ESR1: variants seen among roughly 807,000 people sequenced by gnomAD.
ESR1 encodes estrogen receptor.
A neutral mutation model predicts 52.7 loss-of-function variants in ESR1; 12 were observed. The observed-to-expected ratio is 0.23, with a 90% confidence interval of 0.15 to 0.37. ESR1 has a LOEUF of 0.37. Ranked by LOEUF, ESR1 falls within the 10% of genes least tolerant of loss-of-function variation. ESR1 has a pLI of 1.00. For synonymous variants in ESR1, 305 were observed against 316.8 expected (o/e 0.96, Z 0.39); for missense variants, 584 against 779.7 (o/e 0.75, Z 2.99).
chr6:152,048,602 C>T (rs2046424967), intron 5 of ESR1, among the ~76,000 whole-genome samples: 1 of 152,086 alleles, frequency 6.6e-6, no homozygotes, highest in Non-Finnish European at 1.5e-5. Flanking sequence ...GTCTGTGTTG[C>T]TCATTGTTAA....
At chr6:151,991,708 C>T (rs1033892568) in intron 4 of ESR1, among the ~76,000 whole-genome samples, 3 of 152,078 alleles carry the variant, frequency 2.0e-5, no homozygotes, top group South Asian at 2.1e-4. Context: ...GGAAATGACA[C>T]GATGAGCAGA....
At position 152,068,717 on chromosome 6, in the gene ESR1, T is replaced by G. The variant is rs147618865; in HGVS notation, c.1369+7593T>G. ...AATCCATCTTTAATTCTCAGGAGCGTGTGGAACCTAGTTTGAAAACTACTG... is the reference window on the plus strand; with the variant it reads ...AATCCATCTTTAATTCTCAGGAGCGGGTGGAACCTAGTTTGAAAACTACTG... On this transcript the variant is annotated intron_variant, in intron 6 of 7. Transcript: ENST00000206249. Among the ~76,000 whole-genome samples, 5 of 152,346 alleles carry G rather than the reference T, an allele frequency of 3.3e-5. No homozygotes were observed. In the East Asian group the frequency reaches 9.6e-4, roughly 29 times the overall value.
At chr6:152,005,193 T>C (rs1469496655) in intron 4 of ESR1, among the ~76,000 whole-genome samples, 2 of 152,012 alleles carry the variant, frequency 1.3e-5, no homozygotes, top group African/African-American at 2.4e-5. Flanking sequence ...CTGGACATGC[T>C]AAACATCTTG....
At chr6:152,010,128 G>A (rs1040801431) in intron 4 of ESR1, among the ~76,000 whole-genome samples, 10 of 152,220 alleles carry the variant, frequency 6.6e-5, no homozygotes, top group Non-Finnish European at 1.5e-4. Context: ...TCTGAGGTCT[G>A]TCTCTAGCTT....
chr6:151,668,782 G>C lies in ESR1; in HGVS notation n.73+12019G>C, dbSNP rs570029518. Among the ~76,000 whole-genome samples the C allele has an allele frequency of 7.2e-5, 11 of 152,180 alleles. No individual in the cohort carries two copies. In the East Asian group the frequency reaches 1.9e-3, roughly 27 times the overall value. Reference sequence around the variant, plus strand: ...GTTTCCTATGGGTCCTCTCCATTTGGTTTTCCTGTTAAAGATTTAAAAGAG... The same window carrying C: ...GTTTCCTATGGGTCCTCTCCATTTGCTTTTCCTGTTAAAGATTTAAAAGAG... On this transcript the variant is annotated intron_variant and non_coding_transcript_variant, in intron 1 of 2. Coordinates refer to the ESR1 transcript ENST00000473497.
At chr6:151,949,844 A>C (rs1314933469) in intron 4 of ESR1, among the ~76,000 whole-genome samples, 1 of 152,120 alleles carries the variant, frequency 6.6e-6, no homozygotes, top group Non-Finnish European at 1.5e-5. Context: ...TCCCTTTCTC[A>C]TCTTGAGAGT....
chr6:151,984,508 C>G (rs1447378365), intron 4 of ESR1, among the ~76,000 whole-genome samples: 2 of 152,096 alleles, frequency 1.3e-5, no homozygotes, highest in Non-Finnish European at 2.9e-5. Context: ...AAATGCAGAA[C>G]TTTTTACACA....
intron 3 of ESR1, among the ~76,000 whole-genome samples, chr6:151,920,759 T>C (rs1198565979): frequency 2.0e-5 from 3 of 151,840 alleles, no homozygotes; most frequent in East Asian, 3.8e-4. Flanking sequence ...GTGATTGTCA[T>C]CACATCGTAT....
At chr6:151,984,119 A>C (rs1469375774) in intron 4 of ESR1, 2 of 152,106 alleles carry the variant, frequency 1.3e-5, no homozygotes, top group African/African-American at 4.8e-5. Flanking sequence ...TCCACAAGAT[A>C]ATTGTCTACT....
At chr6:151,716,115 G>C (rs1341981948) in intron 2 of ESR1, among the ~76,000 whole-genome samples, 1 of 152,168 alleles carries the variant, frequency 6.6e-6, no homozygotes, top group Non-Finnish European at 1.5e-5. Context: ...GTCTGCTGGA[G>C]TTTGCTGGAG....
At chr6:151,969,986 C>A (rs192841420) in intron 4 of ESR1, among the ~76,000 whole-genome samples, 1 of 151,808 alleles carries the variant, frequency 6.6e-6, no homozygotes, top group Non-Finnish European at 1.5e-5. Flanking sequence ...GTGATATTGC[C>A]GCTGTTCATT....
rs750647045 is a variant in ESR1, at chr6:151,727,099, T to C, written c.-71+25094T>C. Among the ~76,000 whole-genome samples, 3 of 152,222 alleles carry C rather than the reference T, an allele frequency of 2.0e-5. No individual in the cohort carries two copies. The East Asian group carries it at 5.8e-4, about 29-fold the overall frequency. On this transcript the variant is annotated intron_variant, in intron 2 of 2. Coordinates refer to the ESR1 transcript ENST00000404742. ...TAAGAAATTAATATGCTGCTAATGA[T>C]ATGTTGTTGAGTAACATAAATATAC...
intron 2 of ESR1, among the ~76,000 whole-genome samples, chr6:151,766,983 C>T (rs1785109088): frequency 6.6e-6 from 1 of 152,164 alleles, no homozygotes; most frequent in Admixed American, 6.5e-5. Flanking sequence ...TCTTTCCAGA[C>T]AACAGATAAG....
chr6:151,735,035 A>G (rs922188857), intron 2 of ESR1, among the ~76,000 whole-genome samples: 2 of 152,244 alleles, frequency 1.3e-5, no homozygotes, highest in African/African-American at 2.4e-5. Context: ...AAAATCAAAC[A>G]TTAATAAAGC....
intron 3 of ESR1, among the ~76,000 whole-genome samples, chr6:151,889,799 CT>C (rs1562517020): frequency 6.6e-6 from 1 of 152,016 alleles, no homozygotes; most frequent in African/African-American, 2.4e-5. Context: ...ATAAACTTCC[CT>C]CTTGAAAATA....
intron 4 of ESR1, among the ~76,000 whole-genome samples, chr6:151,986,754 C>G (rs1174093033): frequency 6.6e-6 from 1 of 152,128 alleles, no homozygotes; most frequent in African/African-American, 2.4e-5. Flanking sequence ...GCTGATGGCT[C>G]TAATTCTTGG....
intron 3 of ESR1, among the ~76,000 whole-genome samples, chr6:151,883,720 T>G (rs1277568393): frequency 1.3e-5 from 2 of 151,972 alleles, no homozygotes; most frequent in Non-Finnish European, 2.9e-5. Flanking sequence ...GTAACGGAAG[T>G]CAATTGCCTC....
chr6:152,125,735 T>C (rs940816916), exon 7 of ESR1: 3 of 166,512 alleles, frequency 1.8e-5, no homozygotes, highest in Non-Finnish European at 3.9e-5. Context: ...TGGGAAGATT[T>C]ACATATATAA....
rs373303673 is a variant in ESR1, at chr6:151,808,314, C to T, written c.402C>T (p.Asn134=). Residue 134 remains asparagine, a synonymous_variant, in exon 1 of 8, where the codon AAC becomes AAT. Coordinates refer to ENST00000206249, the MANE Select transcript of ESR1 (RefSeq NM_000125.4). ...AGCAGGTGCCCTACTACCTGGAGAA[C>T]GAGCCCAGCGGCTACACGGTGCGCG... ...HGQQVPYYLE[N]EPSGYTVREA... The T allele has an allele frequency of 1.1e-4, 167 of 1,561,154 alleles. No homozygotes were observed. In the African/African-American group the frequency reaches 1.9e-3, roughly 18 times the overall value.
Sources: gnomAD v4.1 joint callset for allele counts (sites outside exome capture counted in the v4.1 genomes callset) on GRCh38, gnomAD v4.1.1 for gene constraint, MANE v1.5 for transcripts, NCBI Gene and HGNC (gene_info 2026-07-23, HGNC 2026-07-21) for gene names.